Variants in DNAAF11 observed in about 807,000 individuals in gnomAD.
DNAAF11 encodes the protein dynein axonemal assembly factor 11.
A neutral mutation model predicts 60.8 loss-of-function variants in DNAAF11; 45 were observed. The observed-to-expected ratio is 0.74, with a 90% CI of 0.58 to 0.95. The LOEUF (loss-of-function observed/expected upper bound fraction) is 0.95, where lower values mean the gene tolerates loss of function less well. Ranked by LOEUF, DNAAF11 falls within the 40% of genes least tolerant of loss-of-function variation. The pLI is 0.00. For synonymous variants in DNAAF11, 191 were observed against 183.5 expected, an observed-to-expected ratio of 1.04 and a Z score of -0.33; for missense variants, 546 against 546.2, an observed-to-expected ratio of 1.00 and a Z score of 0.00.
the DNAAF11 span, among the ~76,000 whole-genome samples, chr8:132,693,404 T>C: frequency 2.0e-5 from 3 of 151,964 alleles, no homozygotes; most frequent in African/African-American, 7.3e-5. Flanking sequence ...TACGAATGTA[T>C]GTAAGTATAT....
At chr8:132,602,705 G>A (rs560846465) in intron 10 of DNAAF11, among the ~76,000 whole-genome samples, 1 of 150,648 alleles carries the variant, frequency 6.6e-6, no homozygotes, top group African/African-American at 2.4e-5. Flanking sequence ...GTCCCTGTGT[G>A]TATCTAGTTT....
At chr8:132,587,364 T>C (rs563845130) in intron 10 of DNAAF11, among the ~76,000 whole-genome samples, 4 of 152,256 alleles carry the variant, frequency 2.6e-5, no homozygotes, top group Admixed American at 2.6e-4. Flanking sequence ...CCAACATTCA[T>C]AATAACACTG....
chr8:132,594,968 T>C (rs979447740), intron 10 of DNAAF11, among the ~76,000 whole-genome samples: 4 of 152,048 alleles, frequency 2.6e-5, no homozygotes, highest in Non-Finnish European at 5.9e-5. Context: ...GTTTGATAAA[T>C]GGTAGTCTTT....
chr8:132,600,819 C>A (rs1488860179), intron 10 of DNAAF11, among the ~76,000 whole-genome samples: 1 of 152,052 alleles, frequency 6.6e-6, no homozygotes, highest in African/African-American at 2.4e-5. Context: ...CCATAAAAAC[C>A]CTAGAAGAAA....
Position 132,672,233 on chromosome 8 carries a change from A to G in DNAAF11, c.10+3251T>C, listed in dbSNP as rs184228619. ...CTATAGATGACAAATGTGTCCCAGT[A>G]ATACAAAATGCATTCAATAGTATAA... is the stretch of plus-strand genomic sequence containing the variant. On this transcript the variant is annotated intron_variant, in intron 1 of 11. Coordinates refer to ENST00000620350, the MANE Select transcript of DNAAF11 (RefSeq NM_012472.6). 3.3e-5 allele frequency among the ~76,000 whole-genome samples: 5 copies of G among 152,334 alleles called. No homozygotes were observed. The East Asian group carries it at 9.6e-4, about 29-fold the overall frequency.
At chr8:132,632,477 C>T (rs1044491648) in intron 5 of DNAAF11, among the ~76,000 whole-genome samples, 1 of 152,166 alleles carries the variant, frequency 6.6e-6, no homozygotes, top group Non-Finnish European at 1.5e-5. Context: ...TTTCTGTACA[C>T]ATTTTACGGA....
intron 7 of DNAAF11, among the ~76,000 whole-genome samples, chr8:132,621,434 C>T (rs7460566): frequency 0.077 from 11,651 of 152,078 alleles, 1,157 homozygotes; most frequent in African/African-American, 0.23. Context: ...GGAGGCAGTG[C>T]TAGTGAGGAG....
the DNAAF11 span, among the ~76,000 whole-genome samples, chr8:132,693,196 G>A: frequency 6.6e-6 from 1 of 152,100 alleles, no homozygotes; most frequent in African/African-American, 2.4e-5. Flanking sequence ...CAGAGAGAAA[G>A]CAAGACATGG....
the DNAAF11 span, among the ~76,000 whole-genome samples, chr8:132,685,709 G>A: frequency 4.6e-5 from 7 of 152,142 alleles, no homozygotes; most frequent in Non-Finnish European, 8.8e-5. Context: ...TATTTTCAAG[G>A]CTTTCATTGC....
At chr8:132,683,510 G>A in the DNAAF11 span, among the ~76,000 whole-genome samples, 2 of 152,020 alleles carry the variant, frequency 1.3e-5, no homozygotes, top group South Asian at 2.1e-4. Flanking sequence ...TTCCTTTTTG[G>A]TCTTCTGGCC....
intron 10 of DNAAF11, among the ~76,000 whole-genome samples, chr8:132,602,096 C>T (rs921484556): frequency 8.6e-5 from 13 of 151,986 alleles, no homozygotes; most frequent in African/African-American, 2.4e-4. Flanking sequence ...TGTAGCAGTG[C>T]TCTCTTCAGC....
In DNAAF11 at chr8:132,603,326, T is replaced by C. The variant is rs543824060; in HGVS notation, c.1140+6840A>G. Among the ~76,000 whole-genome samples the C allele has an allele frequency of 2.6e-5, 4 of 152,244 alleles. No individual in the cohort carries two copies. The East Asian group carries it at 7.7e-4, about 29-fold the overall frequency. On this transcript the variant is annotated intron_variant, in intron 10 of 11. Coordinates refer to ENST00000620350, the MANE Select transcript of DNAAF11 (RefSeq NM_012472.6). ...GAAGAACAGAGGTCTCAGAATTGAATTATTGCACACACCAACTTGCAGAAG... is the reference window on the plus strand; with the variant it reads ...GAAGAACAGAGGTCTCAGAATTGAACTATTGCACACACCAACTTGCAGAAG...
At chr8:132,644,255 G>A (rs1317485729) in intron 3 of DNAAF11, among the ~76,000 whole-genome samples, 2 of 152,076 alleles carry the variant, frequency 1.3e-5, no homozygotes, top group African/African-American at 4.8e-5. Flanking sequence ...TGGAAACAGA[G>A]GTAACTCATA....
intron 3 of DNAAF11, among the ~76,000 whole-genome samples, chr8:132,645,679 G>A (rs1038120243): frequency 3.9e-5 from 6 of 152,152 alleles, no homozygotes; most frequent in Non-Finnish European, 7.3e-5. Flanking sequence ...CATGGCATGA[G>A]AACTAAGTGA....
intron 11 of DNAAF11, among the ~76,000 whole-genome samples, chr8:132,578,910 A>G (rs1184364643): frequency 2.0e-5 from 3 of 152,230 alleles, no homozygotes; most frequent in Non-Finnish European, 4.4e-5. Flanking sequence ...TGAGCATGCC[A>G]GGTGGGCAGT....
At chr8:132,638,320 C>G (rs553924452) in intron 3 of DNAAF11, among the ~76,000 whole-genome samples, 2 of 152,140 alleles carry the variant, frequency 1.3e-5, no homozygotes, top group Non-Finnish European at 2.9e-5. Flanking sequence ...TTATTTTCAC[C>G]GTCTGAGTCC....
At chr8:132,658,001 G>T (rs1823751675) in intron 2 of DNAAF11, among the ~76,000 whole-genome samples, 2 of 152,142 alleles carry the variant, frequency 1.3e-5, no homozygotes, top group South Asian at 4.1e-4. Context: ...ATGTGCACTG[G>T]GGGCAGCCTC....
rs1472086988 is a variant in DNAAF11, at chr8:132,638,041, T to A, written c.323A>T (p.Asn108Ile). The A allele has an allele frequency of 1.2e-6, 2 of 1,614,104 alleles. No individual in the cohort carries two copies. Among genetic ancestry groups the A allele is most frequent in the Admixed American group, 1.7e-5 (1 of 60,018 alleles). The change falls in exon 4 of 12, where the codon AAC becomes ATC. Residue 108 changes from asparagine to isoleucine, a missense_variant. Physicochemically the swap from Asn to Ile is moderately radical, Grantham distance 149. Transcript: ENST00000620350. ...NFIGELSSIKNLQHNIHLKEL... is the reference protein window; with the variant it reads ...NFIGELSSIKILQHNIHLKEL... The stretch of plus-strand genomic sequence containing the variant: ...CTTCAGATGGATATTGTGCTGCAAG[T>A]TTTTAATGCTGCTCAGCTCTCCAAT...
At chr8:132,620,030 A>G (rs1240148448) in intron 7 of DNAAF11, among the ~76,000 whole-genome samples, 1 of 152,134 alleles carries the variant, frequency 6.6e-6, no homozygotes, top group African/African-American at 2.4e-5. Context: ...AAGACTGTGG[A>G]AGTGTCAGAT....
Sources: gnomAD v4.1 joint callset for allele counts (sites outside exome capture counted in the v4.1 genomes callset) on GRCh38, gnomAD v4.1.1 for gene constraint, MANE v1.5 for transcripts, NCBI Gene and HGNC (gene_info 2026-07-23, HGNC 2026-07-21) for gene names.